Variants in NLGN1 observed in about 807,000 individuals in gnomAD.
NLGN1 encodes the protein neuroligin 1, also known as neuroligin-1.
In NLGN1, 12 loss-of-function variants were observed where a neutral mutation model predicts 65.5. The ratio of observed to expected loss-of-function variants is 0.18; its 90% confidence interval spans 0.12 to 0.30. The LOEUF is 0.30. NLGN1 is among the 10% of genes least tolerant of loss of function. The pLI is 1.00. For synonymous variants in NLGN1, 350 were observed against 359.5 expected, an observed-to-expected ratio of 0.97 and a Z score of 0.30; for missense variants, 750 against 1,007.1, an observed-to-expected ratio of 0.74 and a Z score of 3.46.
At chr3:174,272,806 G>A (rs906091103) in intron 4 of NLGN1, among the ~76,000 whole-genome samples, 19 of 151,532 alleles carry the variant, frequency 1.3e-4, no homozygotes, top group Non-Finnish European at 5.9e-5. Context: ...GGCAAAAATG[G>A]AGCTTGACTG....
Position 173,539,756 on chromosome 3 carries a change from T to C in NLGN1, c.-320-64523T>C, listed in dbSNP as rs188955312. On this transcript the variant is annotated intron_variant, in intron 2 of 6. Coordinates refer to ENST00000457714, the Ensembl canonical transcript of NLGN1. ...TATACATATATGTACATATATAACA[T>C]ATACATGTACATATATAACACATAT... is the stretch of plus-strand genomic sequence containing the variant. Among the ~76,000 whole-genome samples the C allele has an allele frequency of 6.6e-3, 567 of 85,506 alleles. 2 individuals are homozygous for C. Among genetic ancestry groups the C allele is most frequent in the Middle Eastern group, 0.029 (5 of 174 alleles). The allele number at this position is 85,506 out of a possible 152,430, so 56.1% of individuals were successfully genotyped here.
intron 2 of NLGN1, among the ~76,000 whole-genome samples, chr3:173,582,589 G>C (rs1021838742): frequency 6.6e-6 from 1 of 151,914 alleles, no homozygotes; most frequent in African/African-American, 2.4e-5. Flanking sequence ...TGGACATTGA[G>C]AATCTTTTTC....
At chr3:174,099,024 G>A (rs1426674665) in intron 4 of NLGN1, among the ~76,000 whole-genome samples, 3 of 152,186 alleles carry the variant, frequency 2.0e-5, no homozygotes, top group Admixed American at 6.5e-5. Flanking sequence ...GCTCCCTGCT[G>A]TGAAATTCTC....
At chr3:173,857,482 T>G (rs1560504882) in intron 4 of NLGN1, among the ~76,000 whole-genome samples, 1 of 152,084 alleles carries the variant, frequency 6.6e-6, no homozygotes, top group African/African-American at 2.4e-5. Context: ...ATTTAACTGT[T>G]TGACTGTTTT....
At chr3:173,749,144 G>GA (rs942917154) in intron 3 of NLGN1, among the ~76,000 whole-genome samples, 3 of 151,946 alleles carry the variant, frequency 2.0e-5, no homozygotes, top group Admixed American at 6.6e-5. Flanking sequence ...AAACTATCTT[G>GA]AAAAAATGTT....
intron 4 of NLGN1, among the ~76,000 whole-genome samples, chr3:174,272,706 GAT>G (rs1244579662): frequency 1.0e-4 from 15 of 145,368 alleles, no homozygotes; most frequent in African/African-American, 3.0e-4. Context: ...TAGATAGATA[GAT>G]ATAGATAGAT....
intron 4 of NLGN1, among the ~76,000 whole-genome samples, chr3:173,867,468 T>C (rs2150845500): frequency 6.6e-6 from 1 of 152,272 alleles, no homozygotes; most frequent in South Asian, 2.1e-4. Context: ...GATAAATAAA[T>C]TGAGCTTTAG....
At chr3:173,916,082 T>C (rs1326962862) in intron 4 of NLGN1, among the ~76,000 whole-genome samples, 1 of 152,172 alleles carries the variant, frequency 6.6e-6, no homozygotes, top group Non-Finnish European at 1.5e-5. Context: ...TTGTGAAATA[T>C]AGGTACTGAT....
chr3:174,254,501 A>G (rs2152847126), intron 4 of NLGN1, among the ~76,000 whole-genome samples: 1 of 152,102 alleles, frequency 6.6e-6, no homozygotes, highest in East Asian at 1.9e-4. Flanking sequence ...GTTGTAGAAT[A>G]CTTACACCAT....
chr3:174,075,335 A>G (rs1412816202), intron 4 of NLGN1, among the ~76,000 whole-genome samples: 1 of 152,212 alleles, frequency 6.6e-6, no homozygotes, highest in African/African-American at 2.4e-5. Context: ...AAGTTATTAC[A>G]TGAAGATAAT....
upstream of NLGN1, chr3:173,397,833 A>G (rs1385587595): frequency 2.6e-5 from 4 of 152,276 alleles, no homozygotes; most frequent in Admixed American, 6.5e-5. Context: ...GTGGGGAGAC[A>G]CGGCAGGAAA....
intron 4 of NLGN1, among the ~76,000 whole-genome samples, chr3:174,086,286 T>TATATATATTTATGTATGTGCATAC (rs1561008029): frequency 7.9e-4 from 13 of 16,414 alleles, no homozygotes; most frequent in African/African-American, 1.8e-3. Context: ...TGTGCATAAA[T>TATATATATTTATGTATGTGCATAC]ATATATATAT....
At chr3:173,838,035 G>A (rs553431029) in intron 4 of NLGN1, among the ~76,000 whole-genome samples, 88 of 152,202 alleles carry the variant, frequency 5.8e-4, no homozygotes, top group African/African-American at 2.0e-3. Flanking sequence ...TGTAGAATAG[G>A]AAACAGTGTT....
intron 4 of NLGN1, among the ~76,000 whole-genome samples, chr3:173,935,369 T>C (rs570639372): frequency 1.8e-4 from 27 of 152,144 alleles, no homozygotes; most frequent in African/African-American, 6.5e-4. Flanking sequence ...GTTAAAATCT[T>C]GTAATGAGAA....
At chr3:174,107,884 G>T (rs567667049) in intron 4 of NLGN1, among the ~76,000 whole-genome samples, 38 of 152,152 alleles carry the variant, frequency 2.5e-4, no homozygotes, top group African/African-American at 8.9e-4. Context: ...AACATCTAAA[G>T]ATGTAGAACA....
chr3:174,241,585 AT>A (rs1288472476), intron 4 of NLGN1, among the ~76,000 whole-genome samples: 7 of 151,832 alleles, frequency 4.6e-5, no homozygotes, highest in Non-Finnish European at 8.8e-5. Context: ...TCTCAAGGAT[AT>A]TACAATCTTT....
At chr3:173,975,210 A>G (rs1217015173) in intron 4 of NLGN1, among the ~76,000 whole-genome samples, 1 of 151,972 alleles carries the variant, frequency 6.6e-6, no homozygotes, top group Admixed American at 6.6e-5. Flanking sequence ...AATCTAGTTT[A>G]TGTATCACCA....
At chr3:174,027,538 GAAT>G (rs1174583798) in intron 4 of NLGN1, among the ~76,000 whole-genome samples, 2 of 151,974 alleles carry the variant, frequency 1.3e-5, no homozygotes, top group Non-Finnish European at 2.9e-5. Flanking sequence ...GAAATTTGGT[GAAT>G]AATAAACACC....
At chr3:173,413,778 G>T (rs1713091272) in intron 1 of NLGN1, among the ~76,000 whole-genome samples, 1 of 152,128 alleles carries the variant, frequency 6.6e-6, no homozygotes, top group Admixed American at 6.5e-5. Context: ...AGAGCAGCAG[G>T]TCAAATGGGA....
Sources: gnomAD v4.1 joint callset for allele counts (sites outside exome capture counted in the v4.1 genomes callset) on GRCh38, gnomAD v4.1.1 for gene constraint, MANE v1.5 for transcripts, NCBI Gene and HGNC (gene_info 2026-07-23, HGNC 2026-07-21) for gene names.